ROR2: variants seen among roughly 807,000 people sequenced by gnomAD.
ROR2 encodes the protein ROR family WNT receptor 2, also known as tyrosine-protein kinase transmembrane receptor ROR2.
Under a neutral mutation model 74.9 loss-of-function variants are expected in ROR2, and 33 were observed. The ratio of observed to expected loss-of-function variants is 0.44; its 90% CI spans 0.33 to 0.59. The LOEUF (loss-of-function observed/expected upper bound fraction) is 0.59, where lower values mean the gene tolerates loss of function less well. ROR2 is among the 20% of genes least tolerant of loss of function. ROR2 has a pLI of 0.02. For missense variants in ROR2, 1,216 were observed against 1,313.8 expected (o/e 0.93, Z 1.15); for synonymous variants, 586 against 558.7 (o/e 1.05, Z -0.69).
intron 1 of ROR2, among the ~76,000 whole-genome samples, chr9:91,861,677 T>A (rs1829471643): frequency 6.6e-6 from 1 of 152,210 alleles, no homozygotes; most frequent in Admixed American, 6.5e-5. Flanking sequence ...TACCTTTTCA[T>A]AACCTTGAGT....
chr9:91,909,195 T>G (rs1467554695), intron 1 of ROR2, among the ~76,000 whole-genome samples: 1 of 152,258 alleles, frequency 6.6e-6, no homozygotes, highest in Non-Finnish European at 1.5e-5. Context: ...GTGCATTTCC[T>G]CACCCAGGGT....
intron 4 of ROR2, among the ~76,000 whole-genome samples, chr9:91,742,732 G>T (rs541772934): frequency 1.0e-3 from 153 of 152,214 alleles, no homozygotes; most frequent in African/African-American, 3.4e-3. Flanking sequence ...AATGTATAGC[G>T]TTTACACAGT....
At chr9:91,922,163 G>C (rs1208508970) in intron 1 of ROR2, among the ~76,000 whole-genome samples, 1 of 151,930 alleles carries the variant, frequency 6.6e-6, no homozygotes, top group East Asian at 1.9e-4. Flanking sequence ...GTACTGTTGA[G>C]AACGTAGAGA....
At position 91,723,844 on chromosome 9, in the gene ROR2, C is replaced by T. The variant is rs1329102917; in HGVS notation, c.2650G>A (p.Ala884Thr). The change falls in exon 9 of 9, where the codon GCA becomes ACA. Residue 884 changes from alanine (A) to threonine (T), a missense_variant. Ala to Thr is a moderately conservative substitution (Grantham distance 58). Coordinates refer to ENST00000375708, the MANE Select transcript of ROR2 (RefSeq NM_004560.4). ...VTTAPSNTSM[A>T]DRAALLSEGA... The stretch of plus-strand genomic sequence containing the variant: ...TCTGAGAGCAGGGCTGCCCTGTCTG[C>T]CATGGATGTGTTGGAGGGGGCCGTG... The T allele has an allele frequency of 6.2e-6, 10 of 1,614,014 alleles. No homozygotes were observed. In the South Asian group the frequency reaches 1.1e-4, roughly 18 times the overall value.
At chr9:91,914,161 T>C (rs995005924) in intron 1 of ROR2, among the ~76,000 whole-genome samples, 3 of 152,112 alleles carry the variant, frequency 2.0e-5, no homozygotes, top group Non-Finnish European at 4.4e-5. Flanking sequence ...GGCCACCTTA[T>C]ACTGTGTGTA....
rs1285155511 is a variant in ROR2 at position 91,730,955 on chromosome 9, GC to G, written c.1137del (p.Gln380ArgfsTer65). On this transcript the variant is annotated frameshift_variant, in exon 7 of 9. Transcript: ENST00000375708. LOFTEE classifies it high-confidence loss of function. Reference sequence around the variant, plus strand: ...AGTTCCATGCGTACGTTTTTATTCTGCGTAAAGCACCAGGGGCCCTCCATCT... The same window carrying G: ...AGTTCCATGCGTACGTTTTTATTCTGGTAAAGCACCAGGGGCCCTCCATCT... ...GGQMEGPWCF[T>X]QNKNVRMELC... The G allele has an allele frequency of 6.2e-7, 1 of 1,614,174 alleles. No individual in the cohort carries two copies.
At chr9:91,884,392 G>A (rs1830211971) in intron 1 of ROR2, among the ~76,000 whole-genome samples, 1 of 151,816 alleles carries the variant, frequency 6.6e-6, no homozygotes, top group Non-Finnish European at 1.5e-5. Context: ...GAGTCATGGG[G>A]GGTGGGGGGA....
chr9:91,854,366 C>G (rs189873700), intron 1 of ROR2, among the ~76,000 whole-genome samples: 1 of 152,318 alleles, frequency 6.6e-6, no homozygotes, highest in East Asian at 1.9e-4. Context: ...AATGGCAACA[C>G]TCTCCACTAC....
chr9:91,842,403 T>C (rs1828809694), intron 1 of ROR2, among the ~76,000 whole-genome samples: 1 of 152,158 alleles, frequency 6.6e-6, no homozygotes, highest in African/African-American at 2.4e-5. Flanking sequence ...TTATCCCGAT[T>C]ATCAGCTGAG....
intron 1 of ROR2, among the ~76,000 whole-genome samples, chr9:91,806,842 G>A (rs1157379684): frequency 6.6e-6 from 1 of 152,194 alleles, no homozygotes; most frequent in Non-Finnish European, 1.5e-5. Context: ...GCCCGCCTCG[G>A]CCACCCAAAG....
chr9:91,949,936 G>A lies in ROR2; in HGVS notation c.28C>T (p.Arg10Trp). 6.6e-7 allele frequency: 1 copy of A among 1,514,716 alleles called. No individual in the cohort carries two copies. The highest frequency in any genetic ancestry group is 8.8e-7 in the Non-Finnish European group (1 of 1,134,536). 93.8% of individuals were successfully genotyped at this position (1,514,716 alleles called of 1,614,324 possible). A position where few individuals can be genotyped will look rare whatever the true frequency, so the allele number is the denominator to read the frequency against. Residue 10 changes from arginine (R) to tryptophan (W), a missense_variant, in exon 1 of 9, where the codon CGG becomes TGG. Arg to Trp is a moderately radical substitution (Grantham distance 101). Transcript: ENST00000375708. ...ACGGCCGGGATGCACAGCAGCGGCC[G>A]CCGCGGGAGCGCCGAGCCCCGGGCC... is the stretch of plus-strand genomic sequence containing the variant. MARGSALPR[R>W]PLLCIPAVWA...
At chr9:91,925,452 T>C (rs1342959991) in intron 1 of ROR2, among the ~76,000 whole-genome samples, 1 of 145,534 alleles carries the variant, frequency 6.9e-6, no homozygotes, top group Non-Finnish European at 1.5e-5. Flanking sequence ...CTGACAATGC[T>C]GTCAGCTGCC....
chr9:91,928,668 A>T (rs1386791560), intron 1 of ROR2, among the ~76,000 whole-genome samples: 1 of 152,202 alleles, frequency 6.6e-6, no homozygotes, highest in Non-Finnish European at 1.5e-5. Flanking sequence ...TGTAAAAGGG[A>T]CAAACAGCAT....
chr9:91,814,416 G>A (rs1028098460), intron 1 of ROR2, among the ~76,000 whole-genome samples: 4 of 152,064 alleles, frequency 2.6e-5, no homozygotes, highest in African/African-American at 7.2e-5. Context: ...GGAGAAGAGC[G>A]GCCATCCATC....
intron 1 of ROR2, among the ~76,000 whole-genome samples, chr9:91,940,245 A>C (rs755390503): frequency 6.6e-5 from 10 of 152,230 alleles, no homozygotes; most frequent in Non-Finnish European, 1.5e-4. Context: ...GTGTGAAAAA[A>C]ACAGTTCTTA....
At chr9:91,841,752 G>A (rs1353689366) in intron 1 of ROR2, among the ~76,000 whole-genome samples, 2 of 152,106 alleles carry the variant, frequency 1.3e-5, no homozygotes, top group Non-Finnish European at 2.9e-5. Flanking sequence ...CAGTGCCCTC[G>A]GATGCCAGCC....
chr9:91,863,926 T>C (rs1829551634), intron 1 of ROR2, among the ~76,000 whole-genome samples: 1 of 152,060 alleles, frequency 6.6e-6, no homozygotes, highest in Admixed American at 6.5e-5. Flanking sequence ...AGTGTAAATA[T>C]AAAAATGACT....
At chr9:91,730,663 A>G (rs2118679647) in intron 7 of ROR2, among the ~76,000 whole-genome samples, 1 of 152,266 alleles carries the variant, frequency 6.6e-6, no homozygotes, top group East Asian at 1.9e-4. Context: ...CATGTTGACC[A>G]GGCTGGTCTT....
At chr9:91,895,661 T>C (rs970289552) in intron 1 of ROR2, among the ~76,000 whole-genome samples, 2 of 152,154 alleles carry the variant, frequency 1.3e-5, no homozygotes, top group East Asian at 1.9e-4. Context: ...CTGGCCAACA[T>C]GGTGAAACCC....
Sources: allele counts gnomAD v4.1 joint callset (sites outside exome capture counted in the v4.1 genomes callset), GRCh38; gene constraint gnomAD v4.1.1; transcripts MANE v1.5; gene names NCBI Gene and HGNC (gene_info 2026-07-23, HGNC 2026-07-21).